The following PARP10 variants were observed in gnomAD, a reference collection of about 807,000 sequenced individuals.
PARP10 encodes the protein poly(ADP-ribose) polymerase family member 10.
PARP10 carries 56 observed loss-of-function variants against 82.4 expected under a neutral mutation model. The ratio of observed to expected loss-of-function variants is 0.68; its 90% CI spans 0.55 to 0.85. PARP10 has a LOEUF of 0.85. Among genes scored for constraint, PARP10 ranks in the 40% least tolerant of loss-of-function variants. The pLI, the probability that PARP10 is intolerant of heterozygous loss-of-function variation, is 0.00. For synonymous variants in PARP10, 576 were observed against 601.1 expected (o/e 0.96, Z 0.61); for missense variants, 1,227 against 1,379.4 (o/e 0.89, Z 1.75).
chr8:143,983,745 C>G lies in PARP10; in HGVS notation c.1844G>C (p.Arg615Pro), dbSNP rs560131242. 1.2e-6 allele frequency: 2 copies of G among 1,612,250 alleles called. No individual in the cohort carries two copies. Among genetic ancestry groups the G allele is most frequent in the South Asian group, 1.1e-5 (1 of 90,704 alleles). Residue 615 changes from arginine to proline, a missense_variant, in exon 8 of 11, where the codon CGG becomes CCG. Coordinates refer to ENST00000313028, the MANE Select transcript of PARP10 (RefSeq NM_032789.5). Reference protein sequence around the residue: ...LDLDGEDWLPRELEEEGPQEQ... With the variant: ...LDLDGEDWLPPELEEEGPQEQ... ...CTGAGGCCCTTCCTCCTCCAGCTCCCGAGGCAGCCAGTCCTCCCCGTCTAG... is the reference window on the plus strand; with the variant it reads ...CTGAGGCCCTTCCTCCTCCAGCTCCGGAGGCAGCCAGTCCTCCCCGTCTAG...
In PARP10 at chr8:143,984,129, A is replaced by C. The variant is rs782204546; in HGVS notation, c.1681-25T>G. 6 of 1,563,014 alleles carry C rather than the reference A, an allele frequency of 3.8e-6. No homozygotes were observed. The African/African-American group carries it at 8.2e-5, about 21-fold the overall frequency. On this transcript the variant is annotated intron_variant, in intron 6 of 10. Coordinates refer to ENST00000313028, the MANE Select transcript of PARP10 (RefSeq NM_032789.5). ...CCTGTAGGGAGAGGATGTCAGGACC[A>C]CTAGCCTCTGGGCAAGGGCAGAGGA...
chr8:144,005,411 G>A (rs782753457), intron 1 of PARP10, among the ~76,000 whole-genome samples: 1 of 152,126 alleles, frequency 6.6e-6, no homozygotes, highest in Non-Finnish European at 1.5e-5. Context: ...CAGAAGTGCT[G>A]GTAGTGGACT....
chr8:143,991,055 C>CG, upstream of PARP10: 1 of 497,264 alleles, frequency 2.0e-6, no homozygotes, highest in East Asian at 3.4e-5. Context: ...GCCCAGGCTC[C>CG]GGGGCTCCCC....
intron 9 of PARP10, among the ~76,000 whole-genome samples, chr8:143,981,225 G>A (rs1328787909): frequency 3.3e-5 from 5 of 152,300 alleles, no homozygotes; most frequent in South Asian, 2.1e-4. Flanking sequence ...GGCGGTGAGC[G>A]GTGACGGTGT....
At chr8:143,999,140 C>T (rs1209574645) in intron 1 of PARP10, among the ~76,000 whole-genome samples, 1 of 152,004 alleles carries the variant, frequency 6.6e-6, no homozygotes, top group African/African-American at 2.4e-5. Flanking sequence ...CTCTTGGACT[C>T]AAGATCCTTC....
upstream of PARP10, among the ~76,000 whole-genome samples, chr8:143,987,711 T>TA (rs1332102176): frequency 6.6e-6 from 1 of 152,110 alleles, no homozygotes; most frequent in Non-Finnish European, 1.5e-5. Context: ...GCCAACATGG[T>TA]AAAACCCTGT....
chr8:143,995,260 A>G (rs1834156259), upstream of PARP10, among the ~76,000 whole-genome samples: 1 of 152,134 alleles, frequency 6.6e-6, no homozygotes. Flanking sequence ...CTGGCAATAG[A>G]CGGTGCAGGG....
At position 143,983,814 on chromosome 8, in the gene PARP10, G is replaced by T. The variant is rs531225414; in HGVS notation, c.1778-3C>A. ...GGCCAGCAGTTCTCGGACCTCCTCT[G>T]GGGGCAGGGAGAGGCCATTGGGTCA... On this transcript the variant is annotated splice_region_variant and splice_polypyrimidine_tract_variant and intron_variant, in intron 7 of 10. Coordinates refer to ENST00000313028, the MANE Select transcript of PARP10 (RefSeq NM_032789.5). The T allele has an allele frequency of 3.8e-6, 6 of 1,573,398 alleles. No homozygotes were observed. The East Asian group carries it at 1.3e-4, about 35-fold the overall frequency.
upstream of PARP10, chr8:143,991,552 C>T (rs781786032): frequency 1.9e-6 from 3 of 1,575,900 alleles, no homozygotes; most frequent in Non-Finnish European, 2.6e-6. Flanking sequence ...AGCCCCTTCC[C>T]CCCCAACCCC....
intron 1 of PARP10, among the ~76,000 whole-genome samples, chr8:144,004,336 G>A (rs1554751919): frequency 6.6e-6 from 1 of 152,144 alleles, no homozygotes; most frequent in Non-Finnish European, 1.5e-5. Context: ...GGCCAGGACT[G>A]CGGGGAGGGG....
rs371073478 is a variant in PARP10, at chr8:143,984,330, G to A, written c.1560C>T (p.Ser520=). Residue 520 remains serine (S), a synonymous_variant, in exon 6 of 11, where the codon AGC becomes AGT. Coordinates refer to ENST00000313028, the MANE Select transcript of PARP10 (RefSeq NM_032789.5). ...CTTCTGGGCCCAGGAGAAACCTGGC[G>A]CTGCCCGGGTGCTCCAGGCACAACA... ...CHVLCLEHPG[S]ARFLLGPEGQ... 1.8e-5 allele frequency: 29 copies of A among 1,613,728 alleles called. No homozygotes were observed. The highest frequency in any genetic ancestry group is 8.0e-5 in the African/African-American group (6 of 74,930).
chr8:143,983,860 TTGGAA>T, intron 7 of PARP10, 49 bp from the exon 8 acceptor site: 3 of 1,525,226 alleles, frequency 2.0e-6, no homozygotes, highest in Non-Finnish European at 2.6e-6. Flanking sequence ...CCAGGAGGAG[TTGGAA>T]TGGATGAAAG....
upstream of PARP10, chr8:143,992,114 G>C (rs782539977): frequency 1.2e-6 from 2 of 1,606,452 alleles, no homozygotes; most frequent in Non-Finnish European, 1.7e-6. Flanking sequence ...GCCTGGGTCC[G>C]GCCATGCAGT....
At chr8:143,991,448 C>T (rs1172942710), upstream of PARP10, 1 of 1,476,500 alleles carries the variant, frequency 6.8e-7, no homozygotes, top group South Asian at 1.4e-5. Context: ...GTCCCTACCC[C>T]CAAGGGGGCT....
In PARP10 at chr8:144,011,403, C is replaced by T. The variant is rs1834281369; in HGVS notation, c.-80+1127G>A. 6.6e-6 allele frequency among the ~76,000 whole-genome samples: 1 copy of T among 152,084 alleles called. No homozygotes were observed. Among genetic ancestry groups the T allele is most frequent in the African/African-American group, 2.4e-5 (1 of 41,416 alleles). ...CATTGTGAGGTCCAGGCAGAATGCT[C>T]AACTCACAGCGATCCCAGCCCTGGC... On this transcript the variant is annotated intron_variant, in intron 1 of 3. Transcript: ENST00000530478. The surrounding 1 kb of genome is among the most constrained non-coding windows in gnomAD (Gnocchi z 4.5).
At chr8:143,991,554 C>A, upstream of PARP10, 2 of 1,583,564 alleles carry the variant, frequency 1.3e-6, no homozygotes, top group South Asian at 1.1e-5. Flanking sequence ...CCCCTTCCCC[C>A]CCAACCCCTA....
rs782817778 is a variant in PARP10 at position 143,977,637 on chromosome 8, G to T, written c.2925C>A (p.Tyr975Ter). Reference sequence around the variant, plus strand: ...GGCAGATGCAGTCCACGGCGCTGTCGTAGCGCAGGAGCACGTGGCCAGGAC... The same window carrying T: ...GGCAGATGCAGTCCACGGCGCTGTCTTAGCGCAGGAGCACGTGGCCAGGAC... The part of the protein sequence containing the change: ...LRGPGHVLLR[Y>*]DSAVDCICQP... The change falls in exon 11 of 11, where the codon TAC (tyrosine) becomes TAA (stop). Residue 975 changes from tyrosine (Y) to a stop codon, truncating the protein, a stop_gained. Transcript: ENST00000313028. LOFTEE classifies it low-confidence loss of function (END_TRUNC). 5 of 1,592,920 alleles carry T rather than the reference G, an allele frequency of 3.1e-6. No homozygotes were observed. In the East Asian group the frequency reaches 1.1e-4, roughly 37 times the overall value.
upstream of PARP10, chr8:143,988,968 TAC>T (rs1396480425): frequency 2.0e-5 from 3 of 152,212 alleles, no homozygotes; most frequent in African/African-American, 4.8e-5. Context: ...AGCAGACTGG[TAC>T]AGTTTCGGGA....
At chr8:143,986,506 G>A (rs1587461769), upstream of PARP10, 7 of 1,276,498 alleles carry the variant, frequency 5.5e-6, no homozygotes, top group Admixed American at 1.9e-5. Context: ...GGCCCTGGGC[G>A]CTGAGGCCTG....
Sources: gnomAD v4.1 joint callset for allele counts (sites outside exome capture counted in the v4.1 genomes callset) on GRCh38, gnomAD v4.1.1 for gene constraint, Gnocchi (gnomAD v3.1) non-coding constraint, MANE v1.5 for transcripts, NCBI Gene and HGNC (gene_info 2026-07-23, HGNC 2026-07-21) for gene names.